Variants in CHD6 observed in about 807,000 individuals in gnomAD.
CHD6 encodes chromodomain helicase DNA binding protein 6, also known as ATP-dependent chromatin remodeler CHD6.
Under a neutral mutation model 276.9 loss-of-function variants are expected in CHD6, and 50 were observed. That is an observed-to-expected ratio of 0.18 (90% CI 0.14 to 0.23). CHD6 has a LOEUF of 0.23. Ranked by LOEUF, CHD6 falls within the 10% of genes least tolerant of loss-of-function variation. The pLI, the probability that CHD6 is intolerant of heterozygous loss-of-function variation, is 1.00. For synonymous variants in CHD6, 1,173 were observed against 1,229.3 expected (o/e 0.95, Z 0.96); for missense variants, 2,564 against 3,365.8 (o/e 0.76, Z 5.89).
intron 5 of CHD6, among the ~76,000 whole-genome samples, chr20:41,510,912 G>C (rs962274695): frequency 6.6e-6 from 1 of 152,126 alleles, no homozygotes; most frequent in African/African-American, 2.4e-5. Flanking sequence ...GTATTATAGT[G>C]ACAATATATC....
chr20:41,498,231 A>G lies in CHD6; in HGVS notation c.916-5T>C. On this transcript the variant is annotated splice_polypyrimidine_tract_variant and splice_region_variant and intron_variant, in intron 6 of 36. Transcript: ENST00000373233. Reference sequence around the variant, plus strand: ...CGGAGGTTCTCCTGGGTGAACCTGTAACAAACAGCAAGCAGTTATCAGCCC... The same window carrying G: ...CGGAGGTTCTCCTGGGTGAACCTGTGACAAACAGCAAGCAGTTATCAGCCC... 6.2e-7 allele frequency: 1 copy of G among 1,608,332 alleles called. No individual in the cohort carries two copies. The highest frequency in any genetic ancestry group is 1.3e-5 in the African/African-American group (1 of 74,668).
intron 1 of CHD6, among the ~76,000 whole-genome samples, chr20:41,557,843 C>A (rs1465075988): frequency 6.6e-6 from 1 of 152,104 alleles, no homozygotes; most frequent in East Asian, 1.9e-4. Flanking sequence ...AAAAATGAGA[C>A]CCACCTCAAA....
intron 2 of CHD6, among the ~76,000 whole-genome samples, chr20:41,537,736 T>C (rs1214760909): frequency 6.6e-6 from 1 of 152,190 alleles, no homozygotes; most frequent in East Asian, 1.9e-4. Context: ...ACAACAATAA[T>C]TTTGGCAAGG....
At chr20:41,416,264 C>A (rs990250171) in intron 33 of CHD6, among the ~76,000 whole-genome samples, 7 of 152,112 alleles carry the variant, frequency 4.6e-5, no homozygotes, top group Non-Finnish European at 1.0e-4. Context: ...CCAGTTCCCC[C>A]CTATCTTTGT....
chr20:41,471,364 C>T (rs192072723), intron 17 of CHD6, among the ~76,000 whole-genome samples: 35 of 152,234 alleles, frequency 2.3e-4, no homozygotes, highest in African/African-American at 6.7e-4. Flanking sequence ...GAGTGTGTTA[C>T]TCCTTTAAAA....
rs867842687 is a variant in CHD6, at chr20:41,403,703, C to T, written c.*890G>A. On this transcript the variant is annotated 3_prime_UTR_variant, in exon 37 of 37. Transcript: ENST00000373233. ...AGCCTGAAGTGAAAATCCATTCGGT[C>T]CTGGTGCTCTTTAAACACAGAGAGG... is the stretch of plus-strand genomic sequence containing the variant. The T allele has an allele frequency of 9.5e-7, 1 of 1,057,924 alleles. No individual in the cohort carries two copies. Among genetic ancestry groups the T allele is most frequent in the Non-Finnish European group, 1.1e-6 (1 of 874,750 alleles). The allele number at this position is 1,057,924 out of a possible 1,614,324, so 65.5% of individuals were successfully genotyped here.
At chr20:41,524,994 C>T (rs2044492541) in intron 3 of CHD6, among the ~76,000 whole-genome samples, 1 of 152,158 alleles carries the variant, frequency 6.6e-6, no homozygotes, top group African/African-American at 2.4e-5. Flanking sequence ...CCTCTACGGT[C>T]TTGGGGTCTT....
intron 1 of CHD6, among the ~76,000 whole-genome samples, chr20:41,603,765 G>A (rs2146291322): frequency 6.6e-6 from 1 of 152,216 alleles, no homozygotes; most frequent in Middle Eastern, 3.4e-3. Context: ...TACTTGAGAG[G>A]CTGAGGCAGG....
intron 8 of CHD6, among the ~76,000 whole-genome samples, chr20:41,495,515 A>G (rs926277017): frequency 2.0e-5 from 3 of 152,222 alleles, no homozygotes; most frequent in Non-Finnish European, 4.4e-5. Context: ...CGCAGGATGA[A>G]TAAGTTCTGG....
At chr20:41,607,643 G>C (rs772122520) in intron 1 of CHD6, among the ~76,000 whole-genome samples, 2 of 152,000 alleles carry the variant, frequency 1.3e-5, no homozygotes, top group Non-Finnish European at 2.9e-5. Flanking sequence ...GGAAAGAGAA[G>C]GCTCCATGAA....
rs1601176644 is a variant in CHD6, at chr20:41,592,828, A to C, written c.-24+25512T>G. Among the ~76,000 whole-genome samples the C allele has an allele frequency of 2.0e-5, 3 of 152,154 alleles. No homozygotes were observed. The South Asian group carries it at 6.2e-4, about 31-fold the overall frequency. On this transcript the variant is annotated intron_variant, in intron 1 of 36. Coordinates refer to ENST00000373233, the MANE Select transcript of CHD6 (RefSeq NM_032221.5). ...TACATTAGGCTGGGTCTAACACCAG[A>C]GGGTGTGAGCTAACATACCTTAGTA...
At chr20:41,565,456 G>A (rs552158316) in intron 1 of CHD6, among the ~76,000 whole-genome samples, 88 of 152,302 alleles carry the variant, frequency 5.8e-4, no homozygotes, top group Middle Eastern at 3.4e-3. Context: ...ATCAGGGCAC[G>A]AGAAAGAGGT....
At position 41,490,040 on chromosome 20, in the gene CHD6, A is replaced by G. The variant is rs375521473; in HGVS notation, c.1437-19T>C. On this transcript the variant is annotated intron_variant, in intron 11 of 36. Transcript: ENST00000373233. ...GTTTTTTCTGCAGAGAGTGAGAAAT[A>G]TAGGTAATTCATTATCAATATAGGA... 6.8e-5 allele frequency: 110 copies of G among 1,608,952 alleles called. No individual in the cohort carries two copies. The highest frequency in any genetic ancestry group is 8.7e-5 in the Non-Finnish European group (102 of 1,175,836).
chr20:41,433,171 G>C (rs1162261753), intron 27 of CHD6, among the ~76,000 whole-genome samples: 2 of 152,056 alleles, frequency 1.3e-5, no homozygotes, highest in Admixed American at 1.3e-4. Flanking sequence ...AGAAGGCGAG[G>C]AGAAAGAGGA....
rs761744792 is a variant in CHD6, at chr20:41,421,793, G to T, written c.4842C>A (p.Asn1614Lys). The T allele has an allele frequency of 6.2e-7, 1 of 1,614,230 alleles. No homozygotes were observed. Residue 1614 changes from asparagine (N) to lysine (K), a missense_variant, in exon 31 of 37, where the codon AAC (asparagine) becomes AAA (lysine). Transcript: ENST00000373233. ...TGCCAGATCTTTTATGCTGGGCATA[G>T]TTTCTATAGGCATCCAGGAAGGACA... ...PQLSFLDAYR[N>K]YAQHKRSGTQ...
In CHD6 at chr20:41,591,535, TA is replaced by T. The variant is rs2045660868; in HGVS notation, c.-24+26804del. Among the ~76,000 whole-genome samples the T allele has an allele frequency of 6.0e-5, 9 of 150,160 alleles. No homozygotes were observed. The South Asian group carries it at 1.9e-3, about 32-fold the overall frequency. On this transcript the variant is annotated intron_variant, in intron 1 of 36. Coordinates refer to ENST00000373233, the MANE Select transcript of CHD6 (RefSeq NM_032221.5). Reference sequence around the variant, plus strand: ...AAGAAACTCCGTCTCTACTAAAAAATAAAAAAAATTAGCTGGGCATGGTAGC... The same window carrying T: ...AAGAAACTCCGTCTCTACTAAAAAATAAAAAAATTAGCTGGGCATGGTAGC...
chr20:41,597,264 G>A (rs1348139796), intron 1 of CHD6, among the ~76,000 whole-genome samples: 1 of 152,006 alleles, frequency 6.6e-6, no homozygotes, highest in Admixed American at 6.6e-5. Flanking sequence ...TTAGAGGTGG[G>A]ACGTAAATCC....
intron 16 of CHD6, among the ~76,000 whole-genome samples, chr20:41,475,014 G>A (rs529339829): frequency 3.9e-5 from 6 of 152,232 alleles, no homozygotes; most frequent in Non-Finnish European, 8.8e-5. Flanking sequence ...TGAAACAGGC[G>A]GTGGTGATAG....
intron 17 of CHD6, among the ~76,000 whole-genome samples, chr20:41,458,322 A>AT (rs1393215653): frequency 2.0e-5 from 3 of 152,150 alleles, no homozygotes; most frequent in African/African-American, 7.2e-5. Flanking sequence ...GACCAATGAA[A>AT]TTTTTTTTAT....
Sources: allele counts gnomAD v4.1 joint callset (sites outside exome capture counted in the v4.1 genomes callset), GRCh38; gene constraint gnomAD v4.1.1; transcripts MANE v1.5; gene names NCBI Gene and HGNC (gene_info 2026-07-23, HGNC 2026-07-21).